SLC1A1: variants seen among roughly 807,000 people sequenced by gnomAD.
The protein encoded by SLC1A1 is solute carrier family 1 member 1.
SLC1A1 carries 43 observed loss-of-function variants against 53.3 expected under a neutral mutation model. That is an observed-to-expected ratio of 0.81 (90% CI 0.63 to 1.04). The LOEUF (loss-of-function observed/expected upper bound fraction) is 1.04. SLC1A1 is among the 50% of genes least tolerant of loss of function. The probability of loss-of-function intolerance (pLI) is 0.00; values close to 1 mark genes in which losing one functional copy is unlikely to be tolerated. For missense variants in SLC1A1, 748 were observed against 664.9 expected, an observed-to-expected ratio of 1.12 and a Z score of -1.37; for synonymous variants, 307 against 243.2, an observed-to-expected ratio of 1.26 and a Z score of -2.44.
chr9:4,579,115 T>C (rs751381946), intron 10 of SLC1A1, among the ~76,000 whole-genome samples: 24 of 152,092 alleles, frequency 1.6e-4, no homozygotes, highest in Non-Finnish European at 1.0e-4. Flanking sequence ...AATACACCAT[T>C]TGGCACACCA....
intron 2 of SLC1A1, among the ~76,000 whole-genome samples, chr9:4,544,982 G>C (rs966203881): frequency 1.3e-5 from 2 of 152,116 alleles, no homozygotes; most frequent in Non-Finnish European, 2.9e-5. Context: ...TCACTATCAC[G>C]AGAACAGCAT....
chr9:4,544,601 C>G lies in SLC1A1; in HGVS notation c.126C>G (p.Ser42Arg), dbSNP rs770853913. 1.7e-5 allele frequency: 27 copies of G among 1,613,306 alleles called. No individual in the cohort carries two copies. The highest frequency in any genetic ancestry group is 1.2e-4 in the Admixed American group (7 of 60,006). ...ITTGVLVREH[S>R]NLSTLEKFYF... ...CAGGAGTCTTGGTTCGAGAACACAG[C>G]AACCTCTCAACTCTAGAGAAATTCT... Residue 42 changes from serine (S) to arginine (R), a missense_variant, in exon 2 of 12, where the codon AGC becomes AGG. Coordinates refer to ENST00000262352, the MANE Select transcript of SLC1A1 (RefSeq NM_004170.6).
chr9:4,574,077 G>A, intron 8 of SLC1A1, 63 bp downstream of exon 8: 2 of 1,149,408 alleles, frequency 1.7e-6, no homozygotes, highest in Non-Finnish European at 2.6e-6. Flanking sequence ...GCCGCTGAGA[G>A]GTTGGGTTTC....
intron 1 of SLC1A1, among the ~76,000 whole-genome samples, chr9:4,512,720 G>C (rs1376033875): frequency 6.6e-6 from 1 of 152,136 alleles, no homozygotes; most frequent in Non-Finnish European, 1.5e-5. Flanking sequence ...AAGCAGAACA[G>C]AGATTCCAGA....
intron 1 of SLC1A1, among the ~76,000 whole-genome samples, chr9:4,508,443 G>C (rs746698438): frequency 6.6e-6 from 1 of 152,070 alleles, no homozygotes; most frequent in African/African-American, 2.4e-5. Flanking sequence ...CCTGTGGGCT[G>C]GTCCTAACTT....
chr9:4,550,310 G>T lies in SLC1A1; in HGVS notation c.232+5603G>T, dbSNP rs187995354. 3.9e-5 allele frequency among the ~76,000 whole-genome samples: 6 copies of T among 152,264 alleles called. No individual in the cohort carries two copies. The East Asian group carries it at 5.8e-4, about 15-fold the overall frequency. ...AAATGCTCCAGACTTTTAGATGATT[G>T]TTACTCCAGCTTTCATGTTAGGATT... On this transcript the variant is annotated intron_variant, in intron 2 of 11. Coordinates refer to ENST00000262352, the MANE Select transcript of SLC1A1 (RefSeq NM_004170.6).
intron 4 of SLC1A1, among the ~76,000 whole-genome samples, chr9:4,565,119 C>G (rs1177795225): frequency 6.6e-6 from 1 of 152,146 alleles, no homozygotes; most frequent in African/African-American, 2.4e-5. Flanking sequence ...TCCAGTTTTT[C>G]TTTTTAATTT....
intron 1 of SLC1A1, among the ~76,000 whole-genome samples, chr9:4,503,363 A>G (rs1820698015): frequency 6.6e-6 from 1 of 151,922 alleles, no homozygotes. Context: ...TAAATTGAGC[A>G]AGTACTGATG....
chr9:4,525,090 T>C (rs986874925), intron 1 of SLC1A1, among the ~76,000 whole-genome samples: 1 of 152,098 alleles, frequency 6.6e-6, no homozygotes, highest in African/African-American at 2.4e-5. Flanking sequence ...TGGGGAAAAG[T>C]GATATGATCT....
intron 1 of SLC1A1, among the ~76,000 whole-genome samples, chr9:4,544,091 G>A (rs529352419): frequency 2.6e-5 from 4 of 152,200 alleles, no homozygotes; most frequent in Admixed American, 6.5e-5. Context: ...TGGGAGGATC[G>A]ACTGAGCCTG....
intron 1 of SLC1A1, among the ~76,000 whole-genome samples, chr9:4,526,700 T>C (rs1044051685): frequency 1.3e-5 from 2 of 152,202 alleles, no homozygotes; most frequent in African/African-American, 4.8e-5. Context: ...GTATACTGAA[T>C]AGAATTCTAA....
intron 2 of SLC1A1, among the ~76,000 whole-genome samples, chr9:4,548,595 T>G (rs752572534): frequency 1.1e-4 from 17 of 152,174 alleles, no homozygotes; most frequent in Non-Finnish European, 1.8e-4. Context: ...GAACCCCTTT[T>G]TATGTGATGA....
intron 1 of SLC1A1, among the ~76,000 whole-genome samples, chr9:4,511,566 TAC>T (rs113277990): frequency 0.036 from 5,286 of 146,258 alleles, 122 homozygotes; most frequent in South Asian, 0.042. Flanking sequence ...TTAAGAATTC[TAC>T]ACACACACAC....
In SLC1A1 at chr9:4,537,588, T is replaced by TA. The variant is rs1554679405; in HGVS notation, c.92-6975dup. ...CTCAAAAAAATAAAATAAAATAAAA[T>TA]AAAATAAAATAAAAAAAAAAAAAAT... On this transcript the variant is annotated intron_variant, in intron 1 of 11. Transcript: ENST00000262352. Among the ~76,000 whole-genome samples the TA allele has an allele frequency of 7.5e-3, 172 of 22,844 alleles. 27 individuals are homozygous for TA. Among genetic ancestry groups the TA allele is most frequent in the African/African-American group, 0.029 (155 of 5,288 alleles). The allele number at this position is 22,844 out of a possible 152,430, so 15.0% of individuals were successfully genotyped here.
chr9:4,565,834 A>G lies in SLC1A1; in HGVS notation c.441-213A>G, dbSNP rs79894628. Reference sequence around the variant, plus strand: ...AGCATGTCAGTTACTCAGTGAATCAATTAAGTGATGGTTGATTACAGAGCT... The same window carrying G: ...AGCATGTCAGTTACTCAGTGAATCAGTTAAGTGATGGTTGATTACAGAGCT... On this transcript the variant is annotated intron_variant, in intron 4 of 11. Coordinates refer to ENST00000262352, the MANE Select transcript of SLC1A1 (RefSeq NM_004170.6). Among the ~76,000 whole-genome samples, 4,222 of 152,300 alleles carry G rather than the reference A, an allele frequency of 0.028. 204 individuals are homozygous for G. Among genetic ancestry groups the G allele is most frequent in the African/African-American group, 0.096 (3,993 of 41,544 alleles).
chr9:4,576,161 C>A, intron 9 of SLC1A1, 38 bp downstream of exon 9: 2 of 1,602,496 alleles, frequency 1.2e-6, no homozygotes, highest in Admixed American at 1.7e-5. Context: ...AGCCTCCAGG[C>A]TCAACGTTAT....
intron 6 of SLC1A1, among the ~76,000 whole-genome samples, chr9:4,568,237 T>C (rs1387020283): frequency 1.3e-5 from 2 of 151,852 alleles, no homozygotes; most frequent in South Asian, 2.1e-4. Flanking sequence ...CTGCGCAACA[T>C]AGTGACACCT....
intron 1 of SLC1A1, among the ~76,000 whole-genome samples, chr9:4,531,024 C>G (rs1327599458): frequency 6.6e-6 from 1 of 152,182 alleles, no homozygotes; most frequent in African/African-American, 2.4e-5. Context: ...CAAGTCCATC[C>G]AAACAGCCAA....
chr9:4,560,585 AT>A (rs1378098363), intron 2 of SLC1A1, among the ~76,000 whole-genome samples: 1 of 152,150 alleles, frequency 6.6e-6, no homozygotes, highest in Admixed American at 6.5e-5. Flanking sequence ...TAATGAATAT[AT>A]ATTACTTTTA....
Sources: allele counts gnomAD v4.1 joint callset (sites outside exome capture counted in the v4.1 genomes callset), GRCh38; gene constraint gnomAD v4.1.1; transcripts MANE v1.5; gene names NCBI Gene and HGNC (gene_info 2026-07-23, HGNC 2026-07-21).